NFKB2: variants seen among roughly 807,000 people sequenced by gnomAD.
NFKB2 encodes nuclear factor kappa B subunit 2.
In NFKB2, 21 loss-of-function variants were observed where a neutral mutation model predicts 109.3. That is an observed-to-expected ratio of 0.19 (90% confidence interval 0.14 to 0.28). NFKB2 has a LOEUF of 0.28. Among genes scored for constraint, NFKB2 ranks in the 10% least tolerant of loss-of-function variants. The pLI is 1.00. For synonymous variants in NFKB2, 478 were observed against 489.9 expected, an observed-to-expected ratio of 0.98 and a Z score of 0.32; for missense variants, 806 against 1,185.3, an observed-to-expected ratio of 0.68 and a Z score of 4.70.
chr10:102,394,376 G>A (rs1394373281), upstream of NFKB2: 2 of 152,362 alleles, frequency 1.3e-5, no homozygotes, highest in Non-Finnish European at 2.9e-5. Flanking sequence ...CCTCTCAGGG[G>A]CGCGCCCGAG....
Position 102,401,550 on chromosome 10 carries a change from CCT to C in NFKB2, c.2293+35_2293+36del, listed in dbSNP as rs1565213341. 6 of 1,607,054 alleles carry C rather than the reference CCT, an allele frequency of 3.7e-6. No individual in the cohort carries two copies. The Admixed American group carries it at 5.0e-5, about 13-fold the overall frequency. On this transcript the variant is annotated intron_variant, in intron 20 of 22. Transcript: ENST00000661543. This position sits in a 1 kb window ranked among gnomAD's most constrained non-coding sequence, Gnocchi z 4.2. ...AGCATCAGGCATCCCCAGCCCGACT[CCT>C]CTGACTCCTCACAGAGGTCTCTTCT...
chr10:102,399,439 A>T lies in NFKB2; in HGVS notation c.1269A>T (p.Pro423=), dbSNP rs4919633. ...ACTCCGGGGAGGAAGCCGCGGAGCC[A>T]AGCGCCCCCTCCAGGACCCCCCAGT... The part of the protein sequence containing the change: ...SRDSGEEAAE[P]SAPSRTPQCE... Residue 423 remains proline, a synonymous_variant, in exon 13 of 23, where the codon CCA becomes CCT. Transcript: ENST00000661543. 1 of 1,515,070 alleles carries T rather than the reference A, an allele frequency of 6.6e-7. No individual in the cohort carries two copies. The highest frequency in any genetic ancestry group is 1.2e-5 in the South Asian group (1 of 80,908). 93.9% of individuals were successfully genotyped at this position (1,515,070 alleles called of 1,614,324 possible). A position where few individuals can be genotyped will look rare whatever the true frequency, so the allele number is the denominator to read the frequency against.
rs1021324131 is a variant in NFKB2, at chr10:102,398,537, G to A, written c.991+14G>A. On this transcript the variant is annotated intron_variant, in intron 11 of 22. Coordinates refer to ENST00000661543, the MANE Select transcript of NFKB2 (RefSeq NM_001322934.2). This position sits in a 1 kb window ranked among gnomAD's most constrained non-coding sequence, Gnocchi z 6.6. Reference sequence around the variant, plus strand: ...CTCTGGTGGAAGGTGGAGCTGGGCTGAGGACCTCAGGGTGCTGGCGGGGGG... The same window carrying A: ...CTCTGGTGGAAGGTGGAGCTGGGCTAAGGACCTCAGGGTGCTGGCGGGGGG... 9 of 1,612,738 alleles carry A rather than the reference G, an allele frequency of 5.6e-6. No homozygotes were observed. The highest frequency in any genetic ancestry group is 7.6e-6 in the Non-Finnish European group (9 of 1,179,130).
rs779214476 is a variant in NFKB2 at position 102,396,968 on chromosome 10, G to A, written c.308G>A (p.Arg103His). ...CTGGTAACACACAGTGACCCACCTC[G>A]TGCTCATGCCCACAGTCTGGTGGGC... ...VDLVTHSDPPRAHAHSLVGKQ... is the reference protein window; with the variant it reads ...VDLVTHSDPPHAHAHSLVGKQ... The change falls in exon 6 of 23, where the codon CGT (arginine) becomes CAT (histidine). Residue 103 changes from arginine (R) to histidine (H), a missense_variant. Physicochemically the swap from Arg to His is conservative, Grantham distance 29 (BLOSUM62 0). Around this residue, in one of 10 missense-constraint regions of NFKB2, gnomAD observed 24 missense variants for 105.2 expected, o/e 0.23. Transcript: ENST00000661543. The surrounding 1 kb of genome is among the most constrained non-coding windows in gnomAD (Gnocchi z 5.9). 3.1e-6 allele frequency: 5 copies of A among 1,613,652 alleles called. No homozygotes were observed. Among genetic ancestry groups the A allele is most frequent in the South Asian group, 2.2e-5 (2 of 91,076 alleles).
chr10:102,401,669 A>C lies in NFKB2; in HGVS notation c.2294-76A>C. The C allele has an allele frequency of 1.3e-6, 2 of 1,542,826 alleles. No individual in the cohort carries two copies. The highest frequency in any genetic ancestry group is 1.8e-6 in the Non-Finnish European group (2 of 1,138,814). ...CCTGTCTGTCGCTTACCTTGGGAGA[A>C]AGGCAGTGTTCAGGTGTCCATGTCC... On this transcript the variant is annotated intron_variant, in intron 20 of 22. Coordinates refer to ENST00000661543, the MANE Select transcript of NFKB2 (RefSeq NM_001322934.2). The surrounding 1 kb of genome is among the most constrained non-coding windows in gnomAD (Gnocchi z 4.2).
chr10:102,401,718 A>C lies in NFKB2; in HGVS notation c.2294-27A>C, dbSNP rs11574852. 49,269 of 1,572,702 alleles carry C rather than the reference A, an allele frequency of 0.031. 906 individuals are homozygous for C. Among genetic ancestry groups the C allele is most frequent in the Non-Finnish European group, 0.038 (43,497 of 1,157,120 alleles). The stretch of plus-strand genomic sequence containing the variant: ...CCCCACCCAACTCTGGAGGTAAATG[A>C]CATGTCTGTATGTGTGTCCCCCTAA... On this transcript the variant is annotated intron_variant, in intron 20 of 22. Coordinates refer to ENST00000661543, the MANE Select transcript of NFKB2 (RefSeq NM_001322934.2). The surrounding 1 kb of genome is among the most constrained non-coding windows in gnomAD (Gnocchi z 4.2).
In NFKB2 at chr10:102,398,677, G is replaced by C; in HGVS notation, c.992-62G>C. The C allele has an allele frequency of 6.2e-7, 1 of 1,611,820 alleles. No individual in the cohort carries two copies. On this transcript the variant is annotated intron_variant, in intron 11 of 22. Coordinates refer to ENST00000661543, the MANE Select transcript of NFKB2 (RefSeq NM_001322934.2). The surrounding 1 kb of genome is among the most constrained non-coding windows in gnomAD (Gnocchi z 6.6). Reference sequence around the variant, plus strand: ...AGGAGCCGGCCCTGAGGGCTCTTCTGGGAAGGGCCCCTGAGGCATGACACA... The same window carrying C: ...AGGAGCCGGCCCTGAGGGCTCTTCTCGGAAGGGCCCCTGAGGCATGACACA...
In NFKB2 at chr10:102,398,701, C is replaced by G. The variant is rs1245812964; in HGVS notation, c.992-38C>G. 5 of 1,612,134 alleles carry G rather than the reference C, an allele frequency of 3.1e-6. No homozygotes were observed. The East Asian group carries it at 6.7e-5, about 22-fold the overall frequency. ...TGGGAAGGGCCCCTGAGGCATGACA[C>G]AATAACTGGGCTCAATCTCATTTTC... On this transcript the variant is annotated intron_variant, in intron 11 of 22. Coordinates refer to ENST00000661543, the MANE Select transcript of NFKB2 (RefSeq NM_001322934.2). This position sits in a 1 kb window ranked among gnomAD's most constrained non-coding sequence, Gnocchi z 6.6.
At position 102,400,919 on chromosome 10, in the gene NFKB2, T is replaced by C; in HGVS notation, c.1969-28T>C. 1 of 1,601,756 alleles carries C rather than the reference T, an allele frequency of 6.2e-7. No individual in the cohort carries two copies. Among genetic ancestry groups the C allele is most frequent in the Non-Finnish European group, 8.5e-7 (1 of 1,173,684 alleles). On this transcript the variant is annotated intron_variant, in intron 17 of 22. Coordinates refer to ENST00000661543, the MANE Select transcript of NFKB2 (RefSeq NM_001322934.2). The surrounding 1 kb of genome is among the most constrained non-coding windows in gnomAD (Gnocchi z 6.3). ...GCTGGCCAAGGGGACCATGCTGTGG[T>C]GTCAACTCTCGCTGCTCGCACCCCC... is the stretch of plus-strand genomic sequence containing the variant.
At chr10:102,399,896 G>GTAC in intron 14 of NFKB2, 178 bp downstream of exon 14, 1 of 1,105,878 alleles carries the variant, frequency 9.0e-7, no homozygotes, top group Non-Finnish European at 1.3e-6. Flanking sequence ...CGTGCAAGGG[G>GTAC]TACAGTCATA....
rs753158307 is a variant in NFKB2, at chr10:102,399,538, G to A, written c.1328-39G>A. The stretch of plus-strand genomic sequence containing the variant: ...CACGGGCGGTCGGGGCGCCGGGGCT[G>A]AGGACCTAGCCCTGACCCACGCCCT... On this transcript the variant is annotated intron_variant, in intron 13 of 22. Coordinates refer to ENST00000661543, the MANE Select transcript of NFKB2 (RefSeq NM_001322934.2). 1.0e-5 allele frequency: 16 copies of A among 1,524,460 alleles called. No individual in the cohort carries two copies. In the Admixed American group the frequency reaches 1.9e-4, roughly 18 times the overall value. The allele number at this position is 1,524,460 out of a possible 1,614,324, so 94.4% of individuals were successfully genotyped here.
Position 102,398,877 on chromosome 10 carries a change from T to A in NFKB2, c.1117+13T>A. 6.3e-7 allele frequency: 1 copy of A among 1,582,052 alleles called. No individual in the cohort carries two copies. Among genetic ancestry groups the A allele is most frequent in the Non-Finnish European group, 8.6e-7 (1 of 1,166,124 alleles). On this transcript the variant is annotated intron_variant, in intron 12 of 22. Transcript: ENST00000661543. This position sits in a 1 kb window ranked among gnomAD's most constrained non-coding sequence, Gnocchi z 6.6. Reference sequence around the variant, plus strand: ...GGAGCTGGAGGAGGTGAGGGGGTACTGATGGAGGGAGGGGTAAAGGTAAGA... The same window carrying A: ...GGAGCTGGAGGAGGTGAGGGGGTACAGATGGAGGGAGGGGTAAAGGTAAGA...
Position 102,398,679 on chromosome 10 carries a change from G to A in NFKB2, c.992-60G>A. 6.2e-7 allele frequency: 1 copy of A among 1,611,956 alleles called. No individual in the cohort carries two copies. The highest frequency in any genetic ancestry group is 8.5e-7 in the Non-Finnish European group (1 of 1,179,928). The stretch of plus-strand genomic sequence containing the variant: ...GAGCCGGCCCTGAGGGCTCTTCTGG[G>A]AAGGGCCCCTGAGGCATGACACAAT... On this transcript the variant is annotated intron_variant, in intron 11 of 22. Transcript: ENST00000661543. This position sits in a 1 kb window ranked among gnomAD's most constrained non-coding sequence, Gnocchi z 6.6.
In NFKB2 at chr10:102,400,370, T is replaced by C. The variant is rs2061210035; in HGVS notation, c.1677T>C (p.His559=). The change falls in exon 16 of 23, where the codon CAT becomes CAC. Residue 559 remains histidine, a synonymous_variant. Transcript: ENST00000661543. This position sits in a 1 kb window ranked among gnomAD's most constrained non-coding sequence, Gnocchi z 6.3. ...CAGACCCAGCTCTGCTGGATCGGCA[T>C]GGAGACTCAGCCATGCATCTGGCGC... is the stretch of plus-strand genomic sequence containing the variant. ...VGADPALLDR[H]GDSAMHLALR... is the part of the protein sequence containing the mutation. The C allele has an allele frequency of 6.2e-7, 1 of 1,613,682 alleles. No individual in the cohort carries two copies. The highest frequency in any genetic ancestry group is 8.5e-7 in the Non-Finnish European group (1 of 1,179,970).
chr10:102,395,856 C>A (rs2061099242), intron 1 of NFKB2, 32 bp from the exon 2 acceptor site: 1 of 703,586 alleles, frequency 1.4e-6, no homozygotes, highest in Non-Finnish European at 2.3e-6. Flanking sequence ...TAGATCTGAC[C>A]CCCTCCCCCA....
At position 102,398,204 on chromosome 10, in the gene NFKB2, C is replaced by T. The variant is rs2061151161; in HGVS notation, c.767-8C>T. ...GGAGCTGTGGCCAAGCTTCCGTTTTCCTTGTAGATGACATTGAGGTTCGGT... is the reference window on the plus strand; with the variant it reads ...GGAGCTGTGGCCAAGCTTCCGTTTTTCTTGTAGATGACATTGAGGTTCGGT... On this transcript the variant is annotated splice_polypyrimidine_tract_variant and splice_region_variant and intron_variant, in intron 9 of 22. Transcript: ENST00000661543. This position sits in a 1 kb window ranked among gnomAD's most constrained non-coding sequence, Gnocchi z 6.6. The T allele has an allele frequency of 1.2e-6, 2 of 1,613,986 alleles. No homozygotes were observed. The highest frequency in any genetic ancestry group is 2.7e-5 in the African/African-American group (2 of 74,886).
rs1468754412 is a variant in NFKB2 at position 102,402,332 on chromosome 10, C to G, written c.2659C>G (p.Pro887Ala). ...AEKLGPPPEP[P>A]GGLCHGHPQP... The stretch of plus-strand genomic sequence containing the variant: ...GAAGCTGGGCCCACCCCCTGAGCCA[C>G]CAGGAGGGCTCTGCCACGGGCACCC... Residue 887 changes from proline to alanine, a missense_variant, in exon 23 of 23, where the codon CCA (proline) becomes GCA (alanine). By Grantham distance (27) the Pro-to-Ala change is conservative. Around this residue, in one of 10 missense-constraint regions of NFKB2, gnomAD observed 211 missense variants for 268.7 expected, o/e 0.79. Transcript: ENST00000661543. The G allele has an allele frequency of 6.4e-7, 1 of 1,571,598 alleles. No homozygotes were observed. Among genetic ancestry groups the G allele is most frequent in the East Asian group, 2.3e-5 (1 of 42,978 alleles).
chr10:102,399,243 G>A, intron 12 of NFKB2, 45 bp from the exon 13 acceptor site: 1 of 1,477,618 alleles, frequency 6.8e-7, no homozygotes, highest in East Asian at 2.4e-5. Flanking sequence ...ATCTGGGAGA[G>A]TCATGGCTGG....
At position 102,401,950 on chromosome 10, in the gene NFKB2, C is replaced by A. The variant is rs1029572364; in HGVS notation, c.2466+33C>A. On this transcript the variant is annotated intron_variant, in intron 21 of 22. Transcript: ENST00000661543. This position sits in a 1 kb window ranked among gnomAD's most constrained non-coding sequence, Gnocchi z 4.2. ...GGCCTGTGCCCTGCCCCCTCCCCAG[C>A]CTCCTTTCCCGATCTGAGTCCAGGT... is the stretch of plus-strand genomic sequence containing the variant. 1.9e-6 allele frequency: 3 copies of A among 1,598,508 alleles called. No homozygotes were observed. In the African/African-American group the frequency reaches 4.0e-5, roughly 21 times the overall value.
Sources: gnomAD v4.1 joint callset for allele counts on GRCh38, gnomAD v4.1.1 for gene constraint, gnomAD v4.1.1 regional missense constraint, Gnocchi (gnomAD v3.1) non-coding constraint, MANE v1.5 for transcripts, NCBI Gene and HGNC (gene_info 2026-07-23, HGNC 2026-07-21) for gene names.